MPP7: variants seen among roughly 807,000 people sequenced by gnomAD.
MPP7 encodes MAGUK p55 subfamily member 7.
MPP7 carries 60 observed loss-of-function variants against 76.5 expected under a neutral mutation model. The ratio of observed to expected loss-of-function variants is 0.78; its 90% confidence interval spans 0.64 to 0.97. MPP7 has a LOEUF of 0.97. Among genes scored for constraint, MPP7 ranks in the 50% least tolerant of loss-of-function variants. The probability of loss-of-function intolerance (pLI) is 0.00; values close to 1 mark genes in which losing one functional copy is unlikely to be tolerated. For synonymous variants in MPP7, 237 were observed against 244.5 expected, an observed-to-expected ratio of 0.97 and a Z score of 0.29; for missense variants, 641 against 694.0, an observed-to-expected ratio of 0.92 and a Z score of 0.86.
rs2133608922 is a variant in MPP7 at position 28,120,356 on chromosome 10, T to C, written c.725A>G (p.Asn242Ser). 1 of 1,613,896 alleles carries C rather than the reference T, an allele frequency of 6.2e-7. No homozygotes were observed. Among genetic ancestry groups the C allele is most frequent in the East Asian group, 2.2e-5 (1 of 44,874 alleles). Residue 242 changes from asparagine (N) to serine (S), a missense_variant, in exon 10 of 17, where the codon AAT becomes AGT. Transcript: ENST00000683449. ...FIKALFDYNP[N>S]EDKAIPCKEA... Reference sequence around the variant, plus strand: ...CTTACATGGAATTGCCTTATCCTCATTAGGATTATAGTCAAAGAGGGCTTT... The same window carrying C: ...CTTACATGGAATTGCCTTATCCTCACTAGGATTATAGTCAAAGAGGGCTTT...
At chr10:28,121,666 T>C (rs370206405) in intron 8 of MPP7, among the ~76,000 whole-genome samples, 2 of 152,150 alleles carry the variant, frequency 1.3e-5, no homozygotes, top group Non-Finnish European at 2.9e-5. Context: ...TTTCATAAGA[T>C]ATGTTACTCC....
intron 11 of MPP7, among the ~76,000 whole-genome samples, chr10:28,100,941 C>T (rs944554754): frequency 4.0e-5 from 6 of 151,838 alleles, no homozygotes; most frequent in Non-Finnish European, 7.4e-5. Flanking sequence ...TGTAAGCCGG[C>T]TAATAAAGAA....
intron 2 of MPP7, among the ~76,000 whole-genome samples, chr10:28,219,519 T>A (rs902053736): frequency 1.4e-4 from 22 of 152,128 alleles, no homozygotes; most frequent in African/African-American, 5.3e-4. Context: ...TCATTATTAG[T>A]ACAAGTCTGG....
At chr10:28,246,781 C>T (rs772142793) in intron 1 of MPP7, among the ~76,000 whole-genome samples, 5 of 152,128 alleles carry the variant, frequency 3.3e-5, no homozygotes, top group Non-Finnish European at 5.9e-5. Context: ...TTACCTCCTA[C>T]TAGATCCCTC....
chr10:28,056,414 C>T, intron 16 of MPP7, 66 bp downstream of exon 16: 1 of 1,514,398 alleles, frequency 6.6e-7, no homozygotes, highest in Non-Finnish European at 8.9e-7. Context: ...CTGCTTCGGC[C>T]TCCCAAAGTG....
intron 2 of MPP7, among the ~76,000 whole-genome samples, chr10:28,237,642 A>G (rs1588965882): frequency 6.6e-6 from 1 of 152,234 alleles, no homozygotes; most frequent in African/African-American, 2.4e-5. Context: ...TTATAGCACC[A>G]GTCATTGTAA....
intron 3 of MPP7, among the ~76,000 whole-genome samples, chr10:28,162,267 T>C (rs1414390785): frequency 1.3e-5 from 2 of 152,120 alleles, no homozygotes; most frequent in African/African-American, 2.4e-5. Context: ...CCTTGCAGTT[T>C]CAGATGGTGA....
intron 11 of MPP7, among the ~76,000 whole-genome samples, chr10:28,101,868 G>C (rs1407301477): frequency 6.6e-6 from 1 of 151,280 alleles, no homozygotes; most frequent in East Asian, 1.9e-4. Context: ...TTATACTTTG[G>C]AAGCAAACAT....
intron 12 of MPP7, among the ~76,000 whole-genome samples, chr10:28,076,879 C>G (rs1282728837): frequency 6.9e-6 from 1 of 144,350 alleles, no homozygotes; most frequent in Non-Finnish European, 1.5e-5. Flanking sequence ...CAGAGTAAGA[C>G]TCCGTCTGAA....
chr10:28,067,260 G>A (rs1852028830), intron 13 of MPP7, among the ~76,000 whole-genome samples: 1 of 152,120 alleles, frequency 6.6e-6, no homozygotes, highest in Non-Finnish European at 1.5e-5. Context: ...AAACAATACT[G>A]GTGGTATAAG....
intron 3 of MPP7, among the ~76,000 whole-genome samples, chr10:28,171,889 A>T (rs1215867902): frequency 6.6e-6 from 1 of 152,168 alleles, no homozygotes; most frequent in Non-Finnish European, 1.5e-5. Flanking sequence ...GGGAGGATGG[A>T]TGGGCTCTTG....
At chr10:28,099,762 G>A (rs553530384) in intron 11 of MPP7, among the ~76,000 whole-genome samples, 6 of 152,006 alleles carry the variant, frequency 3.9e-5, no homozygotes, top group East Asian at 3.9e-4. Context: ...AGCCAAGATC[G>A]TGCCATTGCA....
At chr10:28,174,249 A>G (rs1708671817) in intron 3 of MPP7, among the ~76,000 whole-genome samples, 1 of 151,792 alleles carries the variant, frequency 6.6e-6, no homozygotes, top group Non-Finnish European at 1.5e-5. Flanking sequence ...GGATATGGGG[A>G]GCCTTTTGGC....
At chr10:28,180,977 C>T (rs533793197) in intron 3 of MPP7, among the ~76,000 whole-genome samples, 22 of 152,180 alleles carry the variant, frequency 1.4e-4, no homozygotes, top group South Asian at 1.0e-3. Flanking sequence ...GCAGGATATA[C>T]GGATGGATGG....
chr10:28,219,300 G>A lies in MPP7; in HGVS notation c.38-17029C>T, dbSNP rs1838416938. Among the ~76,000 whole-genome samples the A allele has an allele frequency of 1.1e-4, 16 of 152,288 alleles. 3 individuals carry two copies. The South Asian group carries it at 3.3e-3, about 32-fold the overall frequency. On this transcript the variant is annotated intron_variant, in intron 2 of 16. Transcript: ENST00000683449. The stretch of plus-strand genomic sequence containing the variant: ...GACATTTTTCCAATTCCAGAAAACT[G>A]CTTCTGTAAAAATATAATATTCTGT...
intron 3 of MPP7, among the ~76,000 whole-genome samples, chr10:28,176,953 C>T (rs1173577687): frequency 1.3e-5 from 2 of 149,292 alleles, no homozygotes; most frequent in South Asian, 4.3e-4. Context: ...GTGCAGCACA[C>T]CAACATGGCA....
chr10:28,293,651 C>T (rs746430764), intron 1 of MPP7, among the ~76,000 whole-genome samples: 19 of 152,118 alleles, frequency 1.2e-4, no homozygotes, highest in African/African-American at 4.6e-4. Flanking sequence ...AACTCCAGTC[C>T]GAGCCCCTGA....
chr10:28,233,035 T>C (rs1466383607), intron 2 of MPP7, among the ~76,000 whole-genome samples: 1 of 152,176 alleles, frequency 6.6e-6, no homozygotes, highest in Non-Finnish European at 1.5e-5. Flanking sequence ...AATGATTCCA[T>C]AAGATTAAAA....
chr10:28,144,685 C>T (rs917875825), intron 5 of MPP7, among the ~76,000 whole-genome samples: 10 of 152,148 alleles, frequency 6.6e-5, no homozygotes, highest in Non-Finnish European at 1.2e-4. Context: ...CAAACTGCAA[C>T]GTAAGGTCTC....
Sources: allele counts gnomAD v4.1 joint callset (sites outside exome capture counted in the v4.1 genomes callset), GRCh38; gene constraint gnomAD v4.1.1; transcripts MANE v1.5; gene names NCBI Gene and HGNC (gene_info 2026-07-23, HGNC 2026-07-21).